Variants in CLSTN1 observed in about 807,000 individuals in gnomAD.
CLSTN1 encodes calsyntenin 1.
CLSTN1 carries 28 observed loss-of-function variants against 108.3 expected under a neutral mutation model. That is an observed-to-expected ratio of 0.26 (90% CI 0.19 to 0.35). The LOEUF (loss-of-function observed/expected upper bound fraction) is 0.35. CLSTN1 is among the 10% of genes least tolerant of loss of function. CLSTN1 has a pLI of 1.00. For missense variants in CLSTN1, 1,157 were observed against 1,302.6 expected, an observed-to-expected ratio of 0.89 and a Z score of 1.72; for synonymous variants, 524 against 534.9, an observed-to-expected ratio of 0.98 and a Z score of 0.28.
At position 9,733,535 on chromosome 1, in the gene CLSTN1, T is replaced by C. The variant is rs1650519105; in HGVS notation, c.2293A>G (p.Met765Val). The C allele has an allele frequency of 6.2e-7, 1 of 1,614,014 alleles. No individual in the cohort carries two copies. Reference sequence around the variant, plus strand: ...TGCAAAACCTCCTCGTAGCTGGCCATGGTGTCCACGCCTGCAGGGGTTGAA... The same window carrying C: ...TGCAAAACCTCCTCGTAGCTGGCCACGGTGTCCACGCCTGCAGGGGTTGAA... ...LGMTFTGVDTMASYEEVLHLL... is the reference protein window; with the variant it reads ...LGMTFTGVDTVASYEEVLHLL... Residue 765 changes from methionine to valine, a missense_variant, in exon 16 of 19, where the codon ATG becomes GTG. Coordinates refer to ENST00000377298, the MANE Select transcript of CLSTN1 (RefSeq NM_001009566.3).
rs1242032631 is a variant in CLSTN1 at position 9,744,471 on chromosome 1, G to A, written c.1158C>T (p.Phe386=). 10 of 1,611,192 alleles carry A rather than the reference G, an allele frequency of 6.2e-6. No homozygotes were observed. The highest frequency in any genetic ancestry group is 2.7e-5 in the African/African-American group (2 of 74,862). Residue 386 remains phenylalanine, a synonymous_variant, in exon 8 of 19, where the codon TTC becomes TTT. Coordinates refer to ENST00000377298, the MANE Select transcript of CLSTN1 (RefSeq NM_001009566.3). The part of the protein sequence containing the change: ...GVVSVSPKEP[F]TISVWMRHGP... ...CATGTCTCATCCACACCGAGATGGT[G>A]AACGGCTCTTTGGGGCTGACCGACA...
At chr1:9,744,757 T>A (rs1320855759) in intron 7 of CLSTN1, 114 bp from the exon 8 acceptor site, 1 of 899,282 alleles carries the variant, frequency 1.1e-6, no homozygotes, top group African/African-American at 1.8e-5. Context: ...TCCAGTTTAC[T>A]TTTTTTTTTT....
intron 1 of CLSTN1, among the ~76,000 whole-genome samples, chr1:9,773,891 C>G (rs1029070828): frequency 3.3e-5 from 5 of 150,968 alleles, no homozygotes; most frequent in South Asian, 2.1e-4. Flanking sequence ...CACCACCATA[C>G]TTGACTTATT....
chr1:9,747,767 C>T (rs1006773547), intron 7 of CLSTN1, among the ~76,000 whole-genome samples: 4 of 152,100 alleles, frequency 2.6e-5, no homozygotes, highest in Non-Finnish European at 4.4e-5. Context: ...AACCAGTGGC[C>T]GGGCGCGGTG....
rs191071254 is a variant in CLSTN1, at chr1:9,779,812, A to C, written c.92-6418T>G. Reference sequence around the variant, plus strand: ...ATGTAAGATAGGCCATTTTAAAGAAAGGACTCCAAAAACTCCATTGTTTGT... The same window carrying C: ...ATGTAAGATAGGCCATTTTAAAGAACGGACTCCAAAAACTCCATTGTTTGT... On this transcript the variant is annotated intron_variant, in intron 1 of 18. Transcript: ENST00000377298. 7.4e-3 allele frequency among the ~76,000 whole-genome samples: 1,123 copies of C among 152,216 alleles called. 8 individuals carry two copies. Among genetic ancestry groups the C allele is most frequent in the Middle Eastern group, 0.024 (7 of 294 alleles).
rs553166525 is a variant in CLSTN1, at chr1:9,734,346, G to A, written c.2111-204C>T. ...TCCCAGCACTTTGGGAGGCCAAGAC[G>A]GGTGGATCACCTGAGGTCAGGAGTT... On this transcript the variant is annotated intron_variant, in intron 14 of 18. Transcript: ENST00000377298. This position sits in a 1 kb window ranked among gnomAD's most constrained non-coding sequence, Gnocchi z 4.8. 6.7e-4 allele frequency among the ~76,000 whole-genome samples: 102 copies of A among 152,244 alleles called. 2 individuals are homozygous for A. The South Asian group carries it at 0.02, about 29-fold the overall frequency.
At chr1:9,776,247 G>A (rs541280399) in intron 1 of CLSTN1, among the ~76,000 whole-genome samples, 14 of 152,010 alleles carry the variant, frequency 9.2e-5, no homozygotes, top group African/African-American at 2.9e-4. Flanking sequence ...GATTACAGGC[G>A]TGAGCCACTG....
Position 9,777,776 on chromosome 1 carries a change from C to T in CLSTN1, c.92-4382G>A, listed in dbSNP as rs1280058775. ...CAGCCTGCTGCCTTGCTCCCCTTAACATAGTCTCTAGAAAATGCCACAGTG... is the reference window on the plus strand; with the variant it reads ...CAGCCTGCTGCCTTGCTCCCCTTAATATAGTCTCTAGAAAATGCCACAGTG... On this transcript the variant is annotated intron_variant, in intron 1 of 18. Coordinates refer to ENST00000377298, the MANE Select transcript of CLSTN1 (RefSeq NM_001009566.3). Among the ~76,000 whole-genome samples, 3 of 152,136 alleles carry T rather than the reference C, an allele frequency of 2.0e-5. No homozygotes were observed. In the East Asian group the frequency reaches 5.8e-4, roughly 29 times the overall value.
chr1:9,782,115 CTTAGTTTT>C (rs2101192373), intron 1 of CLSTN1, among the ~76,000 whole-genome samples: 1 of 152,204 alleles, frequency 6.6e-6, no homozygotes, highest in Admixed American at 6.5e-5. Context: ...ACAAAGAATA[CTTAGTTTT>C]TTAAACAGTT....
At position 9,729,390 on chromosome 1, in the gene CLSTN1, G is replaced by C. The variant is rs891754450; in HGVS notation, c.*1118C>G. 2 of 152,646 alleles carry C rather than the reference G, an allele frequency of 1.3e-5. No individual in the cohort carries two copies. The highest frequency in any genetic ancestry group is 1.3e-4 in the Admixed American group (2 of 15,286). The allele number at this position is 152,646 out of a possible 1,614,324, so 9.5% of individuals were successfully genotyped here. On this transcript the variant is annotated 3_prime_UTR_variant, in exon 19 of 19. Transcript: ENST00000377298. ...CCAAGCAAAGCAGCAGGGCTCCTGG[G>C]GGAGAGGGATTTCAACCCCCCTGAT...
rs892445649 is a variant in CLSTN1 at position 9,730,249 on chromosome 1, C to T, written c.*259G>A. The T allele has an allele frequency of 6.3e-5, 35 of 558,944 alleles. No homozygotes were observed. The highest frequency in any genetic ancestry group is 8.4e-5 in the Non-Finnish European group (26 of 310,462). The allele number at this position is 558,944 out of a possible 1,614,324, so 34.6% of individuals were successfully genotyped here. A position where few individuals can be genotyped will look rare whatever the true frequency, so the allele number is the denominator to read the frequency against. On this transcript the variant is annotated 3_prime_UTR_variant, in exon 19 of 19. Coordinates refer to ENST00000377298, the MANE Select transcript of CLSTN1 (RefSeq NM_001009566.3). This position sits in a 1 kb window ranked among gnomAD's most constrained non-coding sequence, Gnocchi z 5.6. ...CCAGACACAAACGCGGGGCCTGAGG[C>T]GCTGGGAGGCCCCTGTGCGAGCCGG...
At chr1:9,796,671 G>A (rs774824783) in intron 1 of CLSTN1, among the ~76,000 whole-genome samples, 3 of 151,920 alleles carry the variant, frequency 2.0e-5, no homozygotes, top group Non-Finnish European at 2.9e-5. Context: ...GCGACAGAGC[G>A]AGACTCCGCC....
Position 9,729,239 on chromosome 1 carries a change from G to A in CLSTN1, c.*1269C>T, listed in dbSNP as rs1650184000. The A allele has an allele frequency of 6.6e-6, 1 of 152,404 alleles. No homozygotes were observed. Among genetic ancestry groups the A allele is most frequent in the African/African-American group, 2.4e-5 (1 of 41,462 alleles). The allele number at this position is 152,404 out of a possible 1,614,324, so 9.4% of individuals were successfully genotyped here. A position where few individuals can be genotyped will look rare whatever the true frequency, so the allele number is the denominator to read the frequency against. ...AGTGTCCTCAGAACTAGCAGTCAGG[G>A]TCACAGAACAGTATTCAAAATGATT... is the stretch of plus-strand genomic sequence containing the variant. On this transcript the variant is annotated 3_prime_UTR_variant, in exon 19 of 19. Coordinates refer to ENST00000377298, the MANE Select transcript of CLSTN1 (RefSeq NM_001009566.3).
At chr1:9,739,081 G>A (rs903802057) in intron 10 of CLSTN1, among the ~76,000 whole-genome samples, 2 of 152,180 alleles carry the variant, frequency 1.3e-5, no homozygotes, top group African/African-American at 4.8e-5. Flanking sequence ...GGTCAAGGTG[G>A]GAATCATGAA....
Position 9,823,417 on chromosome 1 carries a change from TCTC to T in CLSTN1, c.91+223_91+225del, listed in dbSNP as rs1655268283. 6.6e-6 allele frequency among the ~76,000 whole-genome samples: 1 copy of T among 151,662 alleles called. No individual in the cohort carries two copies. Among genetic ancestry groups the T allele is most frequent in the South Asian group, 2.1e-4 (1 of 4,818 alleles). On this transcript the variant is annotated intron_variant, in intron 1 of 18. Coordinates refer to ENST00000377298, the MANE Select transcript of CLSTN1 (RefSeq NM_001009566.3). This position sits in a 1 kb window ranked among gnomAD's most constrained non-coding sequence, Gnocchi z 6.3. ...GGACGCCTGCAGCGCGCGCCCACAG[TCTC>T]CTGCGCCCTGGCCCCGGCTCCGCGA...
At chr1:9,731,425 C>T (rs2101071178) in intron 17 of CLSTN1, 35 bp from the exon 18 acceptor site, 1 of 1,607,402 alleles carries the variant, frequency 6.2e-7, no homozygotes, top group Non-Finnish European at 8.5e-7. Context: ...TGCGAGGTCA[C>T]TCGGCCCAGA....
chr1:9,781,446 CTT>C (rs766133785), intron 1 of CLSTN1, among the ~76,000 whole-genome samples: 3 of 143,752 alleles, frequency 2.1e-5, no homozygotes, highest in Non-Finnish European at 4.6e-5. Flanking sequence ...ACATCTTATT[CTT>C]TTTTTTTTTT....
At chr1:9,815,893 A>G (rs1220386) in intron 1 of CLSTN1, among the ~76,000 whole-genome samples, 119,051 of 152,126 alleles carry the variant, frequency 0.78, 49,774 homozygotes, top group Non-Finnish European at 0.92. Flanking sequence ...CCAAGATAAC[A>G]TCACTGCACT....
chr1:9,750,683 G>C (rs1001639337), intron 5 of CLSTN1, among the ~76,000 whole-genome samples: 18 of 140,468 alleles, frequency 1.3e-4, no homozygotes, highest in Non-Finnish European at 2.5e-4. Flanking sequence ...CTACATTCCA[G>C]CCTGGGCGAC....
Sources: allele counts gnomAD v4.1 joint callset (sites outside exome capture counted in the v4.1 genomes callset), GRCh38; gene constraint gnomAD v4.1.1; non-coding constraint Gnocchi (gnomAD v3.1); transcripts MANE v1.5; gene names NCBI Gene and HGNC (gene_info 2026-07-23, HGNC 2026-07-21).